DGKK: variants seen among roughly 807,000 people sequenced by gnomAD.
DGKK encodes the protein 142 kDa diacylglycerol kinase.
DGKK carries 35 observed loss-of-function variants against 92.2 expected under a neutral mutation model. The observed-to-expected ratio is 0.38, with a 90% CI of 0.29 to 0.50. The LOEUF (loss-of-function observed/expected upper bound fraction) is 0.50, where lower values mean the gene tolerates loss of function less well. Ranked by LOEUF, DGKK falls within the 20% of genes least tolerant of loss-of-function variation. The pLI is 0.92. For missense variants in DGKK, 910 were observed against 992.2 expected, an observed-to-expected ratio of 0.92 and a Z score of 1.11; for synonymous variants, 368 against 360.6, an observed-to-expected ratio of 1.02 and a Z score of -0.23.
intron 1 of DGKK, among the ~76,000 whole-genome samples, chrX:50,445,121 C>CTTTTTTTT (rs57163220): frequency 3.0e-5 from 2 of 67,467 alleles, no homozygotes; most frequent in Non-Finnish European, 5.4e-5. Context: ...CCTTTGCCCA[C>CTTTTTTTT]TTTTTTTTTT....
intron 8 of DGKK, 112 bp from the exon 9 acceptor site, chrX:50,393,447 C>A: frequency 1.7e-6 from 1 of 601,627 alleles, no homozygotes; most frequent in African/African-American, 2.3e-5. Context: ...GAGTCTCAGT[C>A]TTTTGAAAAT....
intron 19 of DGKK, 111 bp downstream of exon 19, chrX:50,379,870 T>A: frequency 1.1e-6 from 1 of 914,875 alleles, no homozygotes; most frequent in Admixed American, 2.3e-5. Flanking sequence ...TCCCATGAGC[T>A]GTGAGGATCA....
At chrX:50,408,960 G>A (rs966626951) in intron 4 of DGKK, among the ~76,000 whole-genome samples, 1 of 111,269 alleles carries the variant, frequency 9.0e-6, no homozygotes, top group Admixed American at 9.5e-5. Flanking sequence ...AATTTGGGGG[G>A]GACTAGAGGG....
At chrX:50,404,691 G>C (rs1175276584) in intron 4 of DGKK, among the ~76,000 whole-genome samples, 1 of 110,789 alleles carries the variant, frequency 9.0e-6, no homozygotes. Context: ...ACAAGCGTGA[G>C]CCACTGTGCC....
At chrX:50,425,348 TC>T (rs1465813385) in intron 1 of DGKK, among the ~76,000 whole-genome samples, 14 of 109,052 alleles carry the variant, frequency 1.3e-4, no homozygotes, top group African/African-American at 4.9e-4. Flanking sequence ...GTTTCCTGTT[TC>T]TTTTTTTTTA....
chrX:50,409,969 GC>G (rs1436483798), intron 4 of DGKK, among the ~76,000 whole-genome samples: 1 of 111,689 alleles, frequency 9.0e-6, no homozygotes, highest in East Asian at 2.8e-4. Context: ...CACTGAGTCT[GC>G]CAGTGGCTTG....
Position 50,454,446 on chromosome X carries a change from T to A in DGKK, c.645+15588A>T, listed in dbSNP as rs148457641. Among the ~76,000 whole-genome samples, 1,071 of 111,442 alleles carry A rather than the reference T, an allele frequency of 9.6e-3. 13 individuals are homozygous for A. Among genetic ancestry groups the A allele is most frequent in the African/African-American group, 0.032 (992 of 30,692 alleles). On this transcript the variant is annotated intron_variant, in intron 1 of 27. Coordinates refer to ENST00000611977, the MANE Select transcript of DGKK (RefSeq NM_001013742.4). ...CAGCCCAAGTAACCTTTCTGCATTC[T>A]GTATTGTTCCCTTCCAATCTATCCT...
intron 1 of DGKK, among the ~76,000 whole-genome samples, chrX:50,434,951 G>A (rs1925982616): frequency 8.9e-6 from 1 of 111,977 alleles, no homozygotes; most frequent in Admixed American, 9.5e-5. Context: ...GCTAACAAGA[G>A]AGTATGCTTA....
In DGKK at chrX:50,393,235, C is replaced by G; in HGVS notation, c.1512G>C (p.Gln504His). Residue 504 changes from glutamine (Q) to histidine (H), a missense_variant, in exon 9 of 28, where the codon CAG (glutamine) becomes CAC (histidine). Coordinates refer to ENST00000611977, the MANE Select transcript of DGKK (RefSeq NM_001013742.4). ...TGAATTTTCGGAGGAAGACGATCCC[C>G]TGATGATCGCCACTTTTGGAGTTGA... ...IFINSKSGDH[Q>H]GIVFLRKFKQ... 2.5e-6 allele frequency: 3 copies of G among 1,207,960 alleles called. No homozygotes were observed. The East Asian group carries it at 8.9e-5, about 36-fold the overall frequency.
chrX:50,423,307 G>A (rs1294002702), intron 2 of DGKK, among the ~76,000 whole-genome samples: 1 of 111,434 alleles, frequency 9.0e-6, no homozygotes, highest in African/African-American at 3.3e-5. Context: ...ATGATAAGTG[G>A]GAGTTTAGCA....
chrX:50,371,398 G>A (rs371758823), intron 26 of DGKK, among the ~76,000 whole-genome samples: 321 of 111,901 alleles, frequency 2.9e-3, no homozygotes, highest in African/African-American at 9.7e-3. Context: ...AGCAGGGAGG[G>A]GGAATTTGCA....
At position 50,404,438 on chromosome X, in the gene DGKK, T is replaced by C. The variant is rs782600788; in HGVS notation, c.943-254A>G. On this transcript the variant is annotated intron_variant, in intron 4 of 27. Coordinates refer to ENST00000611977, the MANE Select transcript of DGKK (RefSeq NM_001013742.4). ...CTGGAATAGAAGCTGAAGGCAGGAG[T>C]AATTATCTTTTTTTTTTTTTTTTTT... is the stretch of plus-strand genomic sequence containing the variant. 4.8e-5 allele frequency among the ~76,000 whole-genome samples: 5 copies of C among 105,159 alleles called. No individual in the cohort carries two copies. In the Admixed American group the frequency reaches 5.1e-4, roughly 11 times the overall value. 91.3% of individuals were successfully genotyped at this position (105,159 alleles called of 115,157 possible). A position where few individuals can be genotyped will look rare whatever the true frequency, so the allele number is the denominator to read the frequency against.
chrX:50,439,945 A>G lies in DGKK; in HGVS notation c.646-15587T>C, dbSNP rs781850716. ...TAAGGTGTGTTGAAAGAAATGCTCT[A>G]TTGAAGCCTGGAAGAGAAACCAGTG... is the stretch of plus-strand genomic sequence containing the variant. On this transcript the variant is annotated intron_variant, in intron 1 of 27. Coordinates refer to ENST00000611977, the MANE Select transcript of DGKK (RefSeq NM_001013742.4). Among the ~76,000 whole-genome samples, 16 of 111,478 alleles carry G rather than the reference A, an allele frequency of 1.4e-4. No homozygotes were observed. The South Asian group carries it at 5.7e-3, about 40-fold the overall frequency.
intron 1 of DGKK, among the ~76,000 whole-genome samples, chrX:50,458,269 A>T (rs1479229116): frequency 2.7e-5 from 3 of 110,720 alleles, no homozygotes; most frequent in African/African-American, 6.6e-5. Flanking sequence ...TGAGAAAAAC[A>T]TGAGATTCTA....
chrX:50,435,596 C>T (rs1345534579), intron 1 of DGKK, among the ~76,000 whole-genome samples: 1 of 111,879 alleles, frequency 8.9e-6, no homozygotes, highest in Non-Finnish European at 1.9e-5. Flanking sequence ...GGAAGGTAGA[C>T]AGAAATTGAT....
intron 4 of DGKK, among the ~76,000 whole-genome samples, chrX:50,408,504 T>A (rs12013483): frequency 9.2e-6 from 1 of 108,812 alleles, no homozygotes; most frequent in African/African-American, 3.3e-5. Flanking sequence ...TCAGCCTCCC[T>A]AGTAGCTGGG....
chrX:50,454,279 C>A (rs1557232685), intron 1 of DGKK, among the ~76,000 whole-genome samples: 1 of 111,059 alleles, frequency 9.0e-6, no homozygotes, highest in Non-Finnish European at 1.9e-5. Context: ...ATTTCCTTTA[C>A]TTGACTATAA....
Position 50,380,082 on chromosome X carries a change from A to G in DGKK, c.2658-5T>C. ...ATCTTGTTCTTAAGGCGGCTACTAC[A>G]TGGAGGTAAGCATTAAGAAAGCAGA... On this transcript the variant is annotated splice_polypyrimidine_tract_variant and splice_region_variant and intron_variant, in intron 18 of 27. Coordinates refer to ENST00000611977, the MANE Select transcript of DGKK (RefSeq NM_001013742.4). 4 of 1,193,115 alleles carry G rather than the reference A, an allele frequency of 3.4e-6. No individual in the cohort carries two copies. The highest frequency in any genetic ancestry group is 2.3e-4 in the Middle Eastern group (1 of 4,315).
At chrX:50,383,525 T>C (rs1322042171) in intron 17 of DGKK, among the ~76,000 whole-genome samples, 3 of 112,113 alleles carry the variant, frequency 2.7e-5, no homozygotes, top group Non-Finnish European at 5.6e-5. Context: ...TGGATACAGT[T>C]TAGCTGTTTA....
Sources: allele counts gnomAD v4.1 joint callset (sites outside exome capture counted in the v4.1 genomes callset), GRCh38; gene constraint gnomAD v4.1.1; transcripts MANE v1.5; gene names NCBI Gene and HGNC (gene_info 2026-07-23, HGNC 2026-07-21).